The following PCDHA3 variants were observed in gnomAD, a reference collection of about 807,000 sequenced individuals.
PCDHA3 encodes the protein protocadherin alpha 3.
In PCDHA3, 41 loss-of-function variants were observed where a neutral mutation model predicts 62.2. The observed-to-expected ratio is 0.66, with a 90% confidence interval of 0.51 to 0.86. PCDHA3 has a LOEUF of 0.86. Ranked by LOEUF, PCDHA3 falls within the 40% of genes least tolerant of loss-of-function variation. PCDHA3 has a pLI of 0.00. For synonymous variants in PCDHA3, 640 were observed against 555.4 expected, an observed-to-expected ratio of 1.15 and a Z score of -2.14; for missense variants, 1,304 against 1,241.2, an observed-to-expected ratio of 1.05 and a Z score of -0.76.
At chr5:140,881,393 A>T (rs1216651655) in intron 1 of PCDHA3, 1 of 979,528 alleles carries the variant, frequency 1.0e-6, no homozygotes, top group African/African-American at 1.8e-5. Context: ...GGTAAGTTAA[A>T]TTCTATTAAA....
At chr5:140,842,147 GC>G (rs2150330571) in intron 1 of PCDHA3, 1 of 1,613,842 alleles carries the variant, frequency 6.2e-7, no homozygotes, top group East Asian at 2.2e-5. Flanking sequence ...AGCCAATGGG[GC>G]AATTTCATAT....
intron 1 of PCDHA3, among the ~76,000 whole-genome samples, chr5:140,909,960 C>T (rs1419796014): frequency 6.6e-6 from 1 of 152,184 alleles, no homozygotes; most frequent in Non-Finnish European, 1.5e-5. Context: ...CGTAGGTCTC[C>T]ATGGGGAAGG....
intron 1 of PCDHA3, among the ~76,000 whole-genome samples, chr5:140,826,052 T>C (rs2150142347): frequency 8.5e-5 from 13 of 152,216 alleles, no homozygotes; most frequent in Non-Finnish European, 1.8e-4. Flanking sequence ...GCTTTGCCTG[T>C]TTCTTTTATT....
intron 1 of PCDHA3, chr5:140,927,814 G>T: frequency 6.2e-7 from 1 of 1,614,172 alleles, no homozygotes; most frequent in Non-Finnish European, 8.5e-7. Flanking sequence ...GCTCTTGGAG[G>T]CATACATTGA....
chr5:140,928,252 G>A (rs1377533547), intron 1 of PCDHA3: 3 of 1,614,206 alleles, frequency 1.9e-6, no homozygotes, highest in East Asian at 2.2e-5. Flanking sequence ...GGAACTTTTC[G>A]TTGCTGAAAA....
intron 1 of PCDHA3, among the ~76,000 whole-genome samples, chr5:140,888,361 C>G (rs1445087911): frequency 2.0e-5 from 3 of 152,156 alleles, no homozygotes; most frequent in Non-Finnish European, 4.4e-5. Flanking sequence ...CTACTGGCAT[C>G]TAATAATGGA....
In PCDHA3 at chr5:140,850,224, G is replaced by A. The variant is rs2150474394; in HGVS notation, c.2394+46633G>A. On this transcript the variant is annotated intron_variant, in intron 1 of 3. Coordinates refer to ENST00000522353, the MANE Select transcript of PCDHA3 (RefSeq NM_018906.3). ...TCGGATGAGGGGCACTGACGGCGCAGTGAGCGAGATGGTGCTGCGGTCGGT... is the reference window on the plus strand; with the variant it reads ...TCGGATGAGGGGCACTGACGGCGCAATGAGCGAGATGGTGCTGCGGTCGGT... 9.3e-5 allele frequency: 148 copies of A among 1,593,886 alleles called. 13 individuals carry two copies. The highest frequency in any genetic ancestry group is 1.2e-4 in the Non-Finnish European group (142 of 1,167,688).
intron 1 of PCDHA3, among the ~76,000 whole-genome samples, chr5:140,935,536 G>C (rs2090424655): frequency 6.6e-6 from 1 of 152,104 alleles, no homozygotes; most frequent in Non-Finnish European, 1.5e-5. Context: ...TCAAATTATT[G>C]TGTTTTAAAG....
chr5:140,844,840 G>A lies in PCDHA3; in HGVS notation c.2394+41249G>A, dbSNP rs2150374183. 8.0e-5 allele frequency among the ~76,000 whole-genome samples: 12 copies of A among 149,088 alleles called. No homozygotes were observed. In the East Asian group the frequency reaches 1.9e-3, roughly 24 times the overall value. On this transcript the variant is annotated intron_variant, in intron 1 of 3. Transcript: ENST00000522353. ...TTGTCTTTTTACACGTTTGCTTCTT[G>A]TGACTGTTGGACCTGCCTGGATATT...
chr5:140,847,204 C>G (rs916100190), intron 1 of PCDHA3, among the ~76,000 whole-genome samples: 5 of 149,612 alleles, frequency 3.3e-5, no homozygotes, highest in African/African-American at 1.2e-4. Flanking sequence ...TTTGGCCACT[C>G]TTTAGAATTA....
intron 3 of PCDHA3, among the ~76,000 whole-genome samples, chr5:141,002,328 C>T (rs1421788305): frequency 3.3e-5 from 5 of 152,250 alleles, no homozygotes; most frequent in Admixed American, 6.5e-5. Flanking sequence ...GGCCGGGCTG[C>T]ATCCGCACCC....
chr5:140,884,514 C>A (rs368331245), intron 1 of PCDHA3: 13 of 1,614,176 alleles, frequency 8.1e-6, no homozygotes, highest in East Asian at 2.2e-5. Context: ...GGGAGTTGGT[C>A]GTACTCGCAG....
At chr5:140,995,106 G>C (rs1318120210) in intron 3 of PCDHA3, among the ~76,000 whole-genome samples, 6 of 152,180 alleles carry the variant, frequency 3.9e-5, no homozygotes, top group East Asian at 1.9e-4. Context: ...TACATTCCAA[G>C]ACCCTCAGTG....
At chr5:140,907,134 C>A (rs1167927748) in intron 1 of PCDHA3, among the ~76,000 whole-genome samples, 1 of 152,112 alleles carries the variant, frequency 6.6e-6, no homozygotes, top group Non-Finnish European at 1.5e-5. Flanking sequence ...CCTGTGAATT[C>A]CGGCTATGGG....
intron 1 of PCDHA3, chr5:140,859,106 A>G (rs2045724264): frequency 6.7e-6 from 1 of 150,166 alleles, no homozygotes; most frequent in African/African-American, 2.4e-5. Context: ...CACTTAGCAG[A>G]AGAAAATGTA....
chr5:140,916,227 C>T (rs1554197349), intron 1 of PCDHA3, among the ~76,000 whole-genome samples: 2 of 152,208 alleles, frequency 1.3e-5, no homozygotes, highest in African/African-American at 4.8e-5. Context: ...AATATGCTTT[C>T]CAGGAGCCAA....
intron 1 of PCDHA3, chr5:140,836,413 A>T (rs2150260051): frequency 6.2e-7 from 1 of 1,613,666 alleles, no homozygotes; most frequent in Non-Finnish European, 8.5e-7. Flanking sequence ...CAGGCACCAA[A>T]GGCGTCGTCG....
chr5:140,943,493 T>C (rs2093505211), intron 1 of PCDHA3, among the ~76,000 whole-genome samples: 1 of 152,118 alleles, frequency 6.6e-6, no homozygotes, highest in Non-Finnish European at 1.5e-5. Context: ...AAATAGATGC[T>C]ATCAAGGTTC....
chr5:140,857,821 T>C, intron 1 of PCDHA3: 2 of 1,597,642 alleles, frequency 1.3e-6, no homozygotes, highest in South Asian at 2.2e-5. Flanking sequence ...ACGTGGTGGC[T>C]AAGGTGCGCG....
Sources: allele counts gnomAD v4.1 joint callset (sites outside exome capture counted in the v4.1 genomes callset), GRCh38; gene constraint gnomAD v4.1.1; transcripts MANE v1.5; gene names NCBI Gene and HGNC (gene_info 2026-07-23, HGNC 2026-07-21).